Variants in FOXA3 observed in about 807,000 individuals in gnomAD.
The protein encoded by FOXA3 is forkhead box A3, also known as hepatocyte nuclear factor 3-gamma.
Under a neutral mutation model 16.9 loss-of-function variants are expected in FOXA3, and 11 were observed. The ratio of observed to expected loss-of-function variants is 0.65; its 90% CI spans 0.41 to 1.08. The LOEUF (loss-of-function observed/expected upper bound fraction) is 1.08. FOXA3 is among the 50% of genes least tolerant of loss of function. The pLI is 0.00. For missense variants in FOXA3, 423 were observed against 470.1 expected (o/e 0.90, Z 0.93); for synonymous variants, 217 against 203.3 (o/e 1.07, Z -0.57).
Position 45,873,340 on chromosome 19 carries a change from G to T in FOXA3, c.*282G>T. Reference sequence around the variant, plus strand: ...TGCATGGTTTGATGGCCACCATCTCGGTTGGCCCTTTGGGTGTGATGGTGA... The same window carrying T: ...TGCATGGTTTGATGGCCACCATCTCTGTTGGCCCTTTGGGTGTGATGGTGA... On this transcript the variant is annotated 3_prime_UTR_variant, in exon 2 of 2. Transcript: ENST00000302177. The T allele has an allele frequency of 2.0e-6, 1 of 500,246 alleles. No homozygotes were observed. Among genetic ancestry groups the T allele is most frequent in the Admixed American group, 3.4e-5 (1 of 29,790 alleles). The allele number at this position is 500,246 out of a possible 1,614,324, so 31.0% of individuals were successfully genotyped here. A position where few individuals can be genotyped will look rare whatever the true frequency, so the allele number is the denominator to read the frequency against.
chr19:45,872,202 C>T lies in FOXA3; in HGVS notation c.197C>T (p.Ala66Val), dbSNP rs369922937. The change falls in exon 2 of 2, where the codon GCA becomes GTA. Residue 66 changes from alanine (A) to valine (V), a missense_variant. Coordinates refer to ENST00000302177, the MANE Select transcript of FOXA3 (RefSeq NM_004497.3). This position sits in a 1 kb window ranked among gnomAD's most constrained non-coding sequence, Gnocchi z 4.5. ...TCCCCACTGCCCTCAGGACCCCTGG[C>T]ACCCCCAGCACCTGCAGCCCCCCTG... is the stretch of plus-strand genomic sequence containing the variant. ...PASPLPSGPL[A>V]PPAPAAPLGP... The T allele has an allele frequency of 6.3e-7, 1 of 1,596,950 alleles. No homozygotes were observed. The highest frequency in any genetic ancestry group is 1.3e-5 in the African/African-American group (1 of 74,480).
At chr19:45,868,575 C>CT (rs200640359) in intron 1 of FOXA3, among the ~76,000 whole-genome samples, 3,504 of 124,828 alleles carry the variant, frequency 0.028, 143 homozygotes, top group African/African-American at 0.096. Flanking sequence ...GTGAGACTCT[C>CT]TTAAAAAAAA....
At chr19:45,865,700 C>A (rs1972078628) in intron 1 of FOXA3, among the ~76,000 whole-genome samples, 1 of 151,978 alleles carries the variant, frequency 6.6e-6, no homozygotes, top group Admixed American at 6.5e-5. Flanking sequence ...GGGTGGGACT[C>A]CTGGATCCCC....
intron 1 of FOXA3, among the ~76,000 whole-genome samples, chr19:45,870,053 T>C (rs989706695): frequency 1.3e-5 from 2 of 152,154 alleles, no homozygotes; most frequent in Non-Finnish European, 1.5e-5. Flanking sequence ...CCCAAAGTGC[T>C]GGGATTACAG....
At chr19:45,867,678 G>A (rs1184842958) in intron 1 of FOXA3, among the ~76,000 whole-genome samples, 2 of 150,672 alleles carry the variant, frequency 1.3e-5, no homozygotes, top group African/African-American at 4.9e-5. Flanking sequence ...TACTTGGGAG[G>A]CTGAGACAGG....
intron 1 of FOXA3, among the ~76,000 whole-genome samples, chr19:45,871,206 A>T (rs1966900556): frequency 6.6e-6 from 1 of 152,232 alleles, no homozygotes; most frequent in East Asian, 1.9e-4. Context: ...TCATTTAAAA[A>T]TAGCAATCAT....
At chr19:45,868,270 T>C (rs954990614) in intron 1 of FOXA3, among the ~76,000 whole-genome samples, 1 of 152,020 alleles carries the variant, frequency 6.6e-6, no homozygotes, top group Non-Finnish European at 1.5e-5. Flanking sequence ...CTCCGGACCT[T>C]GTGACCTGCA....
chr19:45,870,425 G>A (rs538282787), intron 1 of FOXA3, among the ~76,000 whole-genome samples: 22 of 151,736 alleles, frequency 1.4e-4, no homozygotes, highest in African/African-American at 4.6e-4. Context: ...CACCTGCCTC[G>A]GCCTCCCAAA....
chr19:45,870,964 C>A (rs1966898683), intron 1 of FOXA3, among the ~76,000 whole-genome samples: 1 of 151,682 alleles, frequency 6.6e-6, no homozygotes, highest in East Asian at 2.0e-4. Context: ...GCGGTGCATG[C>A]CTATAATCCC....
Position 45,872,322 on chromosome 19 carries a change from C to A in FOXA3, c.317C>A (p.Pro106Gln). Residue 106 changes from proline (P) to glutamine (Q), a missense_variant, in exon 2 of 2, where the codon CCG becomes CAG. Pro to Gln is a moderately conservative substitution (Grantham distance 76). Coordinates refer to ENST00000302177, the MANE Select transcript of FOXA3 (RefSeq NM_004497.3). The surrounding 1 kb of genome is among the most constrained non-coding windows in gnomAD (Gnocchi z 4.5). ...GGGCTGGTGCACGGGAAGGAGATGC[C>A]GAAGGGGTATCGGCGGCCCCTGGCA... ...GPGLVHGKEM[P>Q]KGYRRPLAHA... The A allele has an allele frequency of 6.2e-7, 1 of 1,614,154 alleles. No individual in the cohort carries two copies. The highest frequency in any genetic ancestry group is 8.5e-7 in the Non-Finnish European group (1 of 1,179,994).
Position 45,872,157 on chromosome 19 carries a change from C to T in FOXA3, c.152C>T (p.Pro51Leu). 1 of 1,590,672 alleles carries T rather than the reference C, an allele frequency of 6.3e-7. No homozygotes were observed. The highest frequency in any genetic ancestry group is 8.6e-7 in the Non-Finnish European group (1 of 1,168,262). The change falls in exon 2 of 2, where the codon CCC (proline) becomes CTC (leucine). Residue 51 changes from proline (P) to leucine (L), a missense_variant. Physicochemically the swap from Pro to Leu is moderately conservative, Grantham distance 98. Coordinates refer to ENST00000302177, the MANE Select transcript of FOXA3 (RefSeq NM_004497.3). This position sits in a 1 kb window ranked among gnomAD's most constrained non-coding sequence, Gnocchi z 4.5. ...MTLNPLSSPY[P>L]PGGLPASPLP... ...CTGAATCCTCTAAGCTCTCCCTATCCCCCTGGGGGGCTCCCTGCCTCCCCA... is the reference window on the plus strand; with the variant it reads ...CTGAATCCTCTAAGCTCTCCCTATCTCCCTGGGGGGCTCCCTGCCTCCCCA...
Position 45,872,595 on chromosome 19 carries a change from C to T in FOXA3, c.590C>T (p.Ser197Leu). 1 of 1,614,194 alleles carries T rather than the reference C, an allele frequency of 6.2e-7. No individual in the cohort carries two copies. Among genetic ancestry groups the T allele is most frequent in the Non-Finnish European group, 8.5e-7 (1 of 1,180,020 alleles). ...KGSYWALHPS[S>L]GNMFENGCYL... ...TCCTACTGGGCCCTACACCCCAGCT[C>T]AGGGAACATGTTTGAGAATGGCTGC... The change falls in exon 2 of 2, where the codon TCA (serine) becomes TTA (leucine). Residue 197 changes from serine to leucine, a missense_variant. Ser to Leu is a moderately radical substitution (Grantham distance 145, BLOSUM62 -2). This residue lies in a region of FOXA3 where 85 missense variants were observed against 136.9 expected (regional missense o/e 0.62). Transcript: ENST00000302177. This position sits in a 1 kb window ranked among gnomAD's most constrained non-coding sequence, Gnocchi z 4.5.
chr19:45,873,184 G>C lies in FOXA3; in HGVS notation c.*126G>C, dbSNP rs1966928047. ...CATCTGGGTGGGTCTATTACTTACT[G>C]TGATGACTGCTGTCTCAGTGGGCAT... On this transcript the variant is annotated 3_prime_UTR_variant, in exon 2 of 2. Transcript: ENST00000302177. The C allele has an allele frequency of 7.1e-7, 1 of 1,416,500 alleles. No individual in the cohort carries two copies. The highest frequency in any genetic ancestry group is 9.6e-7 in the Non-Finnish European group (1 of 1,043,670). The allele number at this position is 1,416,500 out of a possible 1,614,324, so 87.7% of individuals were successfully genotyped here.
At chr19:45,871,578 A>G (rs1365267592) in intron 1 of FOXA3, among the ~76,000 whole-genome samples, 6 of 151,614 alleles carry the variant, frequency 4.0e-5, no homozygotes, top group African/African-American at 1.5e-4. Flanking sequence ...TACAAAAAAA[A>G]AAAAAAAAAA....
At chr19:45,870,857 G>A (rs1966897779) in intron 1 of FOXA3, among the ~76,000 whole-genome samples, 1 of 152,130 alleles carries the variant, frequency 6.6e-6, no homozygotes. Context: ...GGGAGGCTGA[G>A]GCAGGAGGAT....
intron 1 of FOXA3, among the ~76,000 whole-genome samples, chr19:45,870,797 G>A (rs1966897346): frequency 6.6e-6 from 1 of 152,004 alleles, no homozygotes; most frequent in Non-Finnish European, 1.5e-5. Flanking sequence ...TTGAACTTCT[G>A]ACCTCAAGTG....
At position 45,872,729 on chromosome 19, in the gene FOXA3, A is replaced by ACCC; in HGVS notation, c.727_729dup (p.Pro243dup). The ACCC allele has an allele frequency of 6.3e-7, 1 of 1,595,924 alleles. No homozygotes were observed. Reference sequence around the variant, plus strand: ...GACAGGGTCTGCTGCCTCGACCACCACCCCCGCGGCCACAGTCACCTCCCC... The same window carrying ACCC: ...GACAGGGTCTGCTGCCTCGACCACCACCCCCCCCGCGGCCACAGTCACCTCCCC... On this transcript the variant is annotated inframe_insertion, in exon 2 of 2. Coordinates refer to ENST00000302177, the MANE Select transcript of FOXA3 (RefSeq NM_004497.3). This position sits in a 1 kb window ranked among gnomAD's most constrained non-coding sequence, Gnocchi z 4.5.
At chr19:45,866,182 T>G (rs1184464165) in intron 1 of FOXA3, among the ~76,000 whole-genome samples, 1 of 151,938 alleles carries the variant, frequency 6.6e-6, no homozygotes, top group African/African-American at 2.4e-5. Flanking sequence ...GAGGTCGAAG[T>G]GGGAGGATCT....
rs1220889847 is a variant in FOXA3, at chr19:45,872,036, G to A, written c.70-39G>A. On this transcript the variant is annotated intron_variant, in intron 1 of 1. Transcript: ENST00000302177. This position sits in a 1 kb window ranked among gnomAD's most constrained non-coding sequence, Gnocchi z 4.5. Reference sequence around the variant, plus strand: ...CTGGGATCCTTTGCTGACCAGCAGAGTGGAGCCCCACTGACCCCTCCTTTC... The same window carrying A: ...CTGGGATCCTTTGCTGACCAGCAGAATGGAGCCCCACTGACCCCTCCTTTC... 1 of 1,600,956 alleles carries A rather than the reference G, an allele frequency of 6.2e-7. No individual in the cohort carries two copies. The highest frequency in any genetic ancestry group is 8.5e-7 in the Non-Finnish European group (1 of 1,172,098).
Sources: allele counts gnomAD v4.1 joint callset (sites outside exome capture counted in the v4.1 genomes callset), GRCh38; gene constraint gnomAD v4.1.1; regional missense constraint gnomAD v4.1.1; non-coding constraint Gnocchi (gnomAD v3.1); transcripts MANE v1.5; gene names NCBI Gene and HGNC (gene_info 2026-07-23, HGNC 2026-07-21).